The following TCEA3 variants were observed in gnomAD, a reference collection of about 807,000 sequenced individuals.
TCEA3 encodes the protein transcription elongation factor A protein 3.
Under a neutral mutation model 44.0 loss-of-function variants are expected in TCEA3, and 36 were observed. The observed-to-expected ratio is 0.82, with a 90% confidence interval of 0.63 to 1.08. The LOEUF is 1.08. TCEA3 is among the 50% of genes least tolerant of loss of function. TCEA3 has a pLI of 0.00. For synonymous variants in TCEA3, 162 were observed against 159.7 expected, an observed-to-expected ratio of 1.01 and a Z score of -0.11; for missense variants, 392 against 441.2, an observed-to-expected ratio of 0.89 and a Z score of 1.00.
intron 1 of TCEA3, among the ~76,000 whole-genome samples, chr1:23,423,251 G>C (rs1570303867): frequency 6.6e-6 from 1 of 152,208 alleles, no homozygotes; most frequent in South Asian, 2.1e-4. Flanking sequence ...AGCAGGTCTT[G>C]TTCGCCAGTT....
At chr1:23,404,288 C>A in intron 5 of TCEA3, 1 of 670,742 alleles carries the variant, frequency 1.5e-6, no homozygotes, top group South Asian at 1.6e-5. Flanking sequence ...CCCAGAGCAT[C>A]GTGCTCACTC....
intron 1 of TCEA3, among the ~76,000 whole-genome samples, chr1:23,419,767 T>C (rs565859816): frequency 3.9e-5 from 6 of 152,114 alleles, no homozygotes; most frequent in African/African-American, 1.2e-4. Flanking sequence ...GCCCAGGAGA[T>C]GGAGGTTACA....
chr1:23,408,951 T>C (rs547938075), intron 4 of TCEA3, among the ~76,000 whole-genome samples: 1 of 152,330 alleles, frequency 6.6e-6, no homozygotes, highest in East Asian at 1.9e-4. Context: ...AGTCGATATC[T>C]GCCAAGGGCC....
chr1:23,413,260 C>A (rs1210271080), intron 4 of TCEA3, among the ~76,000 whole-genome samples: 4 of 151,810 alleles, frequency 2.6e-5, no homozygotes, highest in Non-Finnish European at 1.5e-5. Context: ...CCTCAGCCTC[C>A]CAAGTGGCTG....
rs1026393923 is a variant in TCEA3 at position 23,406,658 on chromosome 1, T to G, written c.443+2006A>C. On this transcript the variant is annotated intron_variant, in intron 5 of 10. Coordinates refer to ENST00000450454, the MANE Select transcript of TCEA3 (RefSeq NM_003196.3). Reference sequence around the variant, plus strand: ...TTGTTTTGTTGTGTTGTGTTTTGTTTTGTTTTGAGATGGAGTCTCGTTCCA... The same window carrying G: ...TTGTTTTGTTGTGTTGTGTTTTGTTGTGTTTTGAGATGGAGTCTCGTTCCA... Among the ~76,000 whole-genome samples the G allele has an allele frequency of 2.3e-4, 35 of 152,326 alleles. 1 individual carries two copies. Among genetic ancestry groups the G allele is most frequent in the African/African-American group, 8.4e-4 (35 of 41,574 alleles).
At chr1:23,398,105 T>C (rs1438162999) in intron 5 of TCEA3, 150 bp from the exon 6 acceptor site, 1 of 915,896 alleles carries the variant, frequency 1.1e-6, no homozygotes, top group Non-Finnish European at 1.7e-6. Flanking sequence ...ACATGGATCA[T>C]CTCATTTAAT....
chr1:23,420,672 C>T, intron 1 of TCEA3, among the ~76,000 whole-genome samples: 1 of 152,180 alleles, frequency 6.6e-6, no homozygotes, highest in Admixed American at 6.5e-5. Context: ...ACTTTAACTT[C>T]TCTCGGGTAA....
chr1:23,394,088 G>T lies in TCEA3; in HGVS notation c.665-55C>A, dbSNP rs1250910500. ...CATGGAGGGGCACAGAAGGGTGCAG[G>T]CCTGGCCCTGACGCCTGAGAGCTCC... On this transcript the variant is annotated intron_variant, in intron 7 of 10. Transcript: ENST00000450454. 1.7e-5 allele frequency: 27 copies of T among 1,593,296 alleles called. No homozygotes were observed. The East Asian group carries it at 3.8e-4, about 23-fold the overall frequency.
At chr1:23,387,138 C>G in intron 9 of TCEA3, 135 bp downstream of exon 9, 1 of 1,185,852 alleles carries the variant, frequency 8.4e-7, no homozygotes, top group Non-Finnish European at 1.1e-6. Flanking sequence ...CAGACATGAG[C>G]CACCGCACCC....
At position 23,390,801 on chromosome 1, in the gene TCEA3, T is replaced by C. The variant is rs572692638; in HGVS notation, c.819+3078A>G. 1.4e-4 allele frequency among the ~76,000 whole-genome samples: 21 copies of C among 152,124 alleles called. 1 individual carries two copies. Among genetic ancestry groups the C allele is most frequent in the Non-Finnish European group, 2.9e-4 (20 of 68,006 alleles). On this transcript the variant is annotated intron_variant, in intron 8 of 10. Transcript: ENST00000450454. The stretch of plus-strand genomic sequence containing the variant: ...GAGTCAGAGACCACAATTCTATCCC[T>C]ATTTGTTGAGCCCTGTGATGTACCA...
intron 1 of TCEA3, among the ~76,000 whole-genome samples, chr1:23,421,087 G>A (rs10917378): frequency 0.037 from 5,647 of 152,236 alleles, 144 homozygotes; most frequent in Middle Eastern, 0.15. Flanking sequence ...TTTCAGAAGC[G>A]TGACCTGCAG....
At chr1:23,420,234 G>T (rs1376027209) in intron 1 of TCEA3, among the ~76,000 whole-genome samples, 1 of 152,182 alleles carries the variant, frequency 6.6e-6, no homozygotes, top group African/African-American at 2.4e-5. Flanking sequence ...CTGTATGTAT[G>T]TACCACAGTT....
chr1:23,393,985 A>G lies in TCEA3; in HGVS notation c.713T>C (p.Val238Ala). Residue 238 changes from valine (V) to alanine (A), a missense_variant, in exon 8 of 11, where the codon GTG becomes GCG. Val to Ala is a moderately conservative substitution (Grantham distance 64). Transcript: ENST00000450454. ...KSTDMKYRNR[V>A]RSRISNLKDP... ...CTTGAGGTTGCTTATGCGGCTGCGC[A>G]CGCGGTTCCGGTACTTCATGTCCGT... 1 of 1,614,024 alleles carries G rather than the reference A, an allele frequency of 6.2e-7. No homozygotes were observed. The highest frequency in any genetic ancestry group is 8.5e-7 in the Non-Finnish European group (1 of 1,179,898).
At chr1:23,396,165 G>C (rs1639209731) in intron 7 of TCEA3, among the ~76,000 whole-genome samples, 1 of 152,144 alleles carries the variant, frequency 6.6e-6, no homozygotes, top group African/African-American at 2.4e-5. Flanking sequence ...ACAGGAAGAA[G>C]ATGGAAACGC....
chr1:23,424,482 G>T, intron 1 of TCEA3, 83 bp downstream of exon 1: 4 of 1,327,624 alleles, frequency 3.0e-6, no homozygotes, highest in Non-Finnish European at 2.1e-6. Flanking sequence ...ATGGCGCCCC[G>T]CCAGTACGTC....
intron 10 of TCEA3, among the ~76,000 whole-genome samples, chr1:23,381,702 T>C (rs1443059322): frequency 1.3e-5 from 2 of 152,178 alleles, no homozygotes; most frequent in Non-Finnish European, 2.9e-5. Context: ...TGAATGGCAA[T>C]TCGGTGCCAG....
chr1:23,406,740 G>A (rs558365955), intron 5 of TCEA3, among the ~76,000 whole-genome samples: 10 of 152,160 alleles, frequency 6.6e-5, no homozygotes, highest in East Asian at 1.9e-4. Flanking sequence ...TCCGCCTCCC[G>A]GGTTCAAGTG....
At chr1:23,423,289 T>A (rs1157802465) in intron 1 of TCEA3, among the ~76,000 whole-genome samples, 2 of 152,246 alleles carry the variant, frequency 1.3e-5, no homozygotes, top group Non-Finnish European at 2.9e-5. Flanking sequence ...TGAGTCCTAC[T>A]AAGGGCTTTA....
chr1:23,387,171 C>T (rs1489376945), intron 9 of TCEA3, 102 bp downstream of exon 9: 12 of 1,441,794 alleles, frequency 8.3e-6, no homozygotes, highest in African/African-American at 4.2e-5. Flanking sequence ...AGAGTTTTAA[C>T]GCTTTCTCCC....
Sources: allele counts gnomAD v4.1 joint callset (sites outside exome capture counted in the v4.1 genomes callset), GRCh38; gene constraint gnomAD v4.1.1; transcripts MANE v1.5; gene names NCBI Gene and HGNC (gene_info 2026-07-23, HGNC 2026-07-21).